The following ARHGEF28 variants were observed in gnomAD, a reference collection of about 807,000 sequenced individuals.
ARHGEF28 encodes Rho guanine nucleotide exchange factor 28.
A neutral mutation model predicts 206.6 loss-of-function variants in ARHGEF28; 152 were observed. The ratio of observed to expected loss-of-function variants is 0.74; its 90% CI spans 0.64 to 0.84. ARHGEF28 has a LOEUF of 0.84. Among genes scored for constraint, ARHGEF28 ranks in the 40% least tolerant of loss-of-function variants. The pLI is 0.00. For synonymous variants in ARHGEF28, 763 were observed against 776.4 expected (o/e 0.98, Z 0.29); for missense variants, 2,028 against 2,073.2 (o/e 0.98, Z 0.42).
At chr5:73,871,962 C>T (rs1760132501) in intron 21 of ARHGEF28, among the ~76,000 whole-genome samples, 1 of 152,026 alleles carries the variant, frequency 6.6e-6, no homozygotes, top group African/African-American at 2.4e-5. Flanking sequence ...TGATGAATAT[C>T]CTATTTTGTT....
rs746934082 is a variant in ARHGEF28, at chr5:73,849,014, T to C, written c.1674T>C (p.Ser558=). 1 of 1,579,352 alleles carries C rather than the reference T, an allele frequency of 6.3e-7. No homozygotes were observed. Among genetic ancestry groups the C allele is most frequent in the Non-Finnish European group, 8.6e-7 (1 of 1,160,420 alleles). The change falls in exon 13 of 36, where the codon TCT becomes TCC. Residue 558 remains serine, a synonymous_variant. Coordinates refer to ENST00000513042, the MANE Select transcript of ARHGEF28 (RefSeq NM_001177693.2). The part of the protein sequence containing the change: ...LLSGVRSRSY[S]CSSPKISLGK... ...CTGGAGTTCGCTCACGTTCTTATTC[T>C]TGCTCATCACCCAAAATTTCTTTAG...
At chr5:73,768,343 A>G (rs1165102577) in intron 4 of ARHGEF28, among the ~76,000 whole-genome samples, 3 of 152,174 alleles carry the variant, frequency 2.0e-5, no homozygotes, top group Non-Finnish European at 4.4e-5. Flanking sequence ...CAGACACTCA[A>G]TATCAGCCCA....
At position 73,855,991 on chromosome 5, in the gene ARHGEF28, C is replaced by T. The variant is rs534529681; in HGVS notation, c.1791-1665C>T. On this transcript the variant is annotated intron_variant, in intron 14 of 35. Transcript: ENST00000513042. The stretch of plus-strand genomic sequence containing the variant: ...CAGTGACCTAACCATTCTTTAATTC[C>T]GATATTAGGTCTCCTCATCACTCTT... 2.7e-4 allele frequency among the ~76,000 whole-genome samples: 41 copies of T among 152,212 alleles called. No individual in the cohort carries two copies. In the South Asian group the frequency reaches 2.9e-3, roughly 11 times the overall value.
chr5:73,721,806 T>A (rs1749966451), intron 2 of ARHGEF28, among the ~76,000 whole-genome samples: 1 of 152,232 alleles, frequency 6.6e-6, no homozygotes, highest in Non-Finnish European at 1.5e-5. Flanking sequence ...AATGGTATCC[T>A]TGATTTTTGA....
At chr5:73,670,315 T>C (rs996463559) in intron 1 of ARHGEF28, among the ~76,000 whole-genome samples, 5 of 152,256 alleles carry the variant, frequency 3.3e-5, no homozygotes, top group African/African-American at 7.2e-5. Context: ...TGTTCTCGTA[T>C]GTATCAATAG....
In ARHGEF28 at chr5:73,687,310, A is replaced by AT. The variant is rs1283538232; in HGVS notation, c.33+2432dup. 3.9e-5 allele frequency among the ~76,000 whole-genome samples: 6 copies of AT among 152,054 alleles called. No individual in the cohort carries two copies. In the South Asian group the frequency reaches 6.2e-4, roughly 16 times the overall value. ...AATTAAAAATTACATCCTAGTTGGCATTTTTTCTAGTAGAATATTAAATGT... is the reference window on the plus strand; with the variant it reads ...AATTAAAAATTACATCCTAGTTGGCATTTTTTTCTAGTAGAATATTAAATGT... On this transcript the variant is annotated intron_variant, in intron 2 of 35. Coordinates refer to ENST00000513042, the MANE Select transcript of ARHGEF28 (RefSeq NM_001177693.2).
intron 11 of ARHGEF28, 41 bp from the exon 12 acceptor site, chr5:73,846,227 C>G: frequency 1.3e-6 from 2 of 1,585,442 alleles, no homozygotes; most frequent in Non-Finnish European, 1.7e-6. Flanking sequence ...GCTCTGTGTC[C>G]TTCCTTGCTT....
chr5:73,909,408 A>T lies in ARHGEF28; in HGVS notation c.4162-4A>T, dbSNP rs1260182704. 3 of 1,591,142 alleles carry T rather than the reference A, an allele frequency of 1.9e-6. No homozygotes were observed. Among genetic ancestry groups the T allele is most frequent in the Non-Finnish European group, 2.6e-6 (3 of 1,164,402 alleles). ...AGTGATTTTTCCTCTGTCTGCTCTG[A>T]CAGGCCGCCTTGACCATTCAGGACA... On this transcript the variant is annotated splice_region_variant and splice_polypyrimidine_tract_variant and intron_variant, in intron 33 of 35. Coordinates refer to ENST00000513042, the MANE Select transcript of ARHGEF28 (RefSeq NM_001177693.2).
chr5:73,680,813 T>A (rs981326072), intron 1 of ARHGEF28, among the ~76,000 whole-genome samples: 1 of 152,212 alleles, frequency 6.6e-6, no homozygotes, highest in African/African-American at 2.4e-5. Context: ...CTAATAGACT[T>A]GTTTCTTAAA....
chr5:73,761,682 C>G (rs904361056), intron 4 of ARHGEF28, among the ~76,000 whole-genome samples: 5 of 152,136 alleles, frequency 3.3e-5, no homozygotes, highest in African/African-American at 9.7e-5. Context: ...TCCTTTTCCA[C>G]ACCTATAACT....
intron 9 of ARHGEF28, among the ~76,000 whole-genome samples, chr5:73,804,352 G>A (rs1165348782): frequency 6.6e-6 from 1 of 151,994 alleles, no homozygotes; most frequent in East Asian, 1.9e-4. Context: ...TTTAACTAGT[G>A]TCCTCAGAGT....
chr5:73,749,053 A>C (rs1405350857), intron 2 of ARHGEF28, among the ~76,000 whole-genome samples: 1 of 152,182 alleles, frequency 6.6e-6, no homozygotes, highest in Non-Finnish European at 1.5e-5. Context: ...CTGAGGTGGC[A>C]GCTCCTCTCC....
intron 35 of ARHGEF28, among the ~76,000 whole-genome samples, chr5:73,936,144 A>G (rs1315416703): frequency 2.0e-5 from 3 of 152,228 alleles, no homozygotes; most frequent in African/African-American, 4.8e-5. Flanking sequence ...TACATTAATT[A>G]CTTTTAAACT....
chr5:73,804,239 A>G (rs1159897806), intron 9 of ARHGEF28, among the ~76,000 whole-genome samples: 3 of 152,170 alleles, frequency 2.0e-5, no homozygotes. Context: ...TCTGCCACAC[A>G]GGTGCCAAAT....
At chr5:73,812,714 C>A (rs908487645) in intron 9 of ARHGEF28, among the ~76,000 whole-genome samples, 1 of 152,076 alleles carries the variant, frequency 6.6e-6, no homozygotes, top group Non-Finnish European at 1.5e-5. Context: ...AAATTAGTCA[C>A]CAGCTCTATT....
chr5:73,855,014 T>G (rs1758929394), intron 14 of ARHGEF28, among the ~76,000 whole-genome samples: 3 of 152,186 alleles, frequency 2.0e-5, no homozygotes, highest in Non-Finnish European at 4.4e-5. Context: ...AAAACTTTAT[T>G]GTGAGTGATG....
intron 33 of ARHGEF28, chr5:73,904,721 T>A (rs1762455356): frequency 6.6e-6 from 2 of 304,760 alleles, no homozygotes; most frequent in Non-Finnish European, 1.2e-5. Flanking sequence ...CATTTTCTGA[T>A]GAAAACCTAA....
chr5:73,824,877 A>G (rs974809817), intron 9 of ARHGEF28, among the ~76,000 whole-genome samples: 5 of 152,200 alleles, frequency 3.3e-5, no homozygotes, highest in African/African-American at 1.2e-4. Context: ...GTTGAAAAAA[A>G]GAATGAATGA....
chr5:73,905,567 A>G (rs2112717059), intron 33 of ARHGEF28, among the ~76,000 whole-genome samples: 1 of 152,312 alleles, frequency 6.6e-6, no homozygotes, highest in African/African-American at 2.4e-5. Flanking sequence ...TTGGTGTATA[A>G]GGCTCCAGAT....
Sources: gnomAD v4.1 joint callset for allele counts (sites outside exome capture counted in the v4.1 genomes callset) on GRCh38, gnomAD v4.1.1 for gene constraint, MANE v1.5 for transcripts, NCBI Gene and HGNC (gene_info 2026-07-23, HGNC 2026-07-21) for gene names.